CDH17: variants seen among roughly 807,000 people sequenced by gnomAD.
CDH17 encodes the protein cadherin-17.
Under a neutral mutation model 86.3 loss-of-function variants are expected in CDH17, and 67 were observed. The observed-to-expected ratio is 0.78, with a 90% CI of 0.64 to 0.95. The LOEUF (loss-of-function observed/expected upper bound fraction) is 0.95. CDH17 is among the 40% of genes least tolerant of loss of function. The probability of loss-of-function intolerance (pLI) is 0.00; values close to 1 mark genes in which losing one functional copy is unlikely to be tolerated. For missense variants in CDH17, 993 were observed against 1,017.6 expected (o/e 0.98, Z 0.33); for synonymous variants, 367 against 366.4 (o/e 1.00, Z -0.02).
chr8:94,207,208 C>T (rs1814046151), intron 1 of CDH17, among the ~76,000 whole-genome samples: 1 of 152,174 alleles, frequency 6.6e-6, no homozygotes, highest in Admixed American at 6.5e-5. Flanking sequence ...ATGGTAGATG[C>T]TATTTTTATG....
chr8:94,149,765 G>C (rs1210703519), intron 13 of CDH17, among the ~76,000 whole-genome samples: 1 of 152,132 alleles, frequency 6.6e-6, no homozygotes, highest in African/African-American at 2.4e-5. Flanking sequence ...TAAGCAAGAA[G>C]GTGACCTGGC....
chr8:94,139,866 AAC>A (rs1812602522), intron 15 of CDH17, among the ~76,000 whole-genome samples: 1 of 151,758 alleles, frequency 6.6e-6, no homozygotes, highest in African/African-American at 2.4e-5. Context: ...CAGCCTGGGC[AAC>A]AGAGTAAGAC....
At chr8:94,158,246 A>G (rs1812982403) in intron 12 of CDH17, among the ~76,000 whole-genome samples, 1 of 152,154 alleles carries the variant, frequency 6.6e-6, no homozygotes, top group Non-Finnish European at 1.5e-5. Flanking sequence ...TAGACACTTG[A>G]AATAGAACCA....
rs766281489 is a variant in CDH17, at chr8:94,170,510, T to A, written c.953A>T (p.Lys318Ile). The change falls in exon 9 of 18, where the codon AAA becomes ATA. Residue 318 changes from lysine to isoleucine, a missense_variant. By Grantham distance (102) the Lys-to-Ile change is moderately radical. Coordinates refer to ENST00000027335, the MANE Select transcript of CDH17 (RefSeq NM_004063.4). ...FYAVAKDEYG[K>I]PLSYPLEIHV... Reference sequence around the variant, plus strand: ...AATTTCCAGCGGATATGAAAGTGGTTTTCCGTACTCATCCTTTGCAACTGC... The same window carrying A: ...AATTTCCAGCGGATATGAAAGTGGTATTCCGTACTCATCCTTTGCAACTGC... 8.1e-6 allele frequency: 13 copies of A among 1,613,946 alleles called. No individual in the cohort carries two copies. The highest frequency in any genetic ancestry group is 1.0e-5 in the Non-Finnish European group (12 of 1,179,892).
At chr8:94,180,742 A>C (rs1813465648) in intron 3 of CDH17, among the ~76,000 whole-genome samples, 1 of 152,024 alleles carries the variant, frequency 6.6e-6, no homozygotes, top group African/African-American at 2.4e-5. Flanking sequence ...AAAAACACAA[A>C]AAATTAGCCG....
At chr8:94,212,205 G>C (rs780281250), upstream of CDH17, among the ~76,000 whole-genome samples, 1 of 152,188 alleles carries the variant, frequency 6.6e-6, no homozygotes, top group Non-Finnish European at 1.5e-5. Context: ...TGACAGGCTG[G>C]AGTGCAGTGG....
rs766924797 is a variant in CDH17, at chr8:94,148,771, G to A, written c.1900C>T (p.Arg634Trp). ...PLDREAGSPY[R>W]VQVVATEVGG... ...ACTTCTGTGGCCACCACTTGTACCC[G>A]ATATGGACTTCCGGCTTCTCTGTCC... Residue 634 changes from arginine to tryptophan, a missense_variant, in exon 14 of 18, where the codon CGG becomes TGG. Transcript: ENST00000027335. 94 of 1,468,372 alleles carry A rather than the reference G, an allele frequency of 6.4e-5. 2 individuals are homozygous for A. The South Asian group carries it at 7.6e-4, about 12-fold the overall frequency. The allele number at this position is 1,468,372 out of a possible 1,614,324, so 91.0% of individuals were successfully genotyped here.
chr8:94,211,315 T>C (rs1032504179), upstream of CDH17, among the ~76,000 whole-genome samples: 1 of 152,118 alleles, frequency 6.6e-6, no homozygotes, highest in Non-Finnish European at 1.5e-5. Flanking sequence ...TTTTTTATTT[T>C]ATTTTATTTA....
chr8:94,167,597 T>C (rs1410402959), intron 9 of CDH17, among the ~76,000 whole-genome samples: 5 of 152,208 alleles, frequency 3.3e-5, no homozygotes, highest in African/African-American at 9.6e-5. Flanking sequence ...GGCATGCATA[T>C]GCCCTTGCAA....
At chr8:94,159,040 G>T (rs1260734137) in intron 12 of CDH17, among the ~76,000 whole-genome samples, 2 of 152,120 alleles carry the variant, frequency 1.3e-5, no homozygotes, top group East Asian at 1.9e-4. Context: ...TAACAGCGAG[G>T]TTTCACTCTC....
intron 11 of CDH17, among the ~76,000 whole-genome samples, chr8:94,161,686 A>G (rs1302441962): frequency 3.3e-5 from 5 of 152,200 alleles, no homozygotes; most frequent in African/African-American, 1.2e-4. Context: ...TAAATCGCCA[A>G]TATTCCAAAT....
In CDH17 at chr8:94,177,578, T is replaced by C. The variant is rs1813399228; in HGVS notation, c.285+9A>G. On this transcript the variant is annotated intron_variant, in intron 4 of 17. Transcript: ENST00000027335. Reference sequence around the variant, plus strand: ...TGGAGTTAGATCCCTTCAGCTGGTATCAATTTACCTGGAGATTGTGAGTAG... The same window carrying C: ...TGGAGTTAGATCCCTTCAGCTGGTACCAATTTACCTGGAGATTGTGAGTAG... The C allele has an allele frequency of 6.2e-7, 1 of 1,613,538 alleles. No homozygotes were observed. Among genetic ancestry groups the C allele is most frequent in the Non-Finnish European group, 8.5e-7 (1 of 1,179,688 alleles).
chr8:94,157,424 G>A (rs1812967554), intron 12 of CDH17, among the ~76,000 whole-genome samples: 1 of 152,036 alleles, frequency 6.6e-6, no homozygotes, highest in East Asian at 1.9e-4. Context: ...CTAACATTTG[G>A]TGTGTCCTAA....
chr8:94,134,566 G>A (rs1434097590), intron 15 of CDH17, among the ~76,000 whole-genome samples: 1 of 151,858 alleles, frequency 6.6e-6, no homozygotes, highest in Non-Finnish European at 1.5e-5. Context: ...TATTAGTCTT[G>A]CTAGCAGTCT....
chr8:94,143,425 C>T (rs752486829), intron 15 of CDH17, among the ~76,000 whole-genome samples: 3 of 152,118 alleles, frequency 2.0e-5, no homozygotes, highest in Non-Finnish European at 4.4e-5. Context: ...TCTTAAGGAC[C>T]CTAGTATTTT....
At chr8:94,189,500 C>A (rs1813644867) in intron 2 of CDH17, among the ~76,000 whole-genome samples, 1 of 152,194 alleles carries the variant, frequency 6.6e-6, no homozygotes, top group Non-Finnish European at 1.5e-5. Context: ...AACATCTGAG[C>A]AGAATGTGAG....
intron 1 of CDH17, chr8:94,217,185 C>G (rs1814207223): frequency 6.6e-6 from 1 of 152,342 alleles, no homozygotes; most frequent in Admixed American, 6.5e-5. Flanking sequence ...GCCTCCTGCC[C>G]AGCTCTACTT....
intron 12 of CDH17, 96 bp downstream of exon 12, chr8:94,159,875 G>A: frequency 2.3e-6 from 2 of 860,264 alleles, no homozygotes; most frequent in Non-Finnish European, 3.4e-6. Context: ...AGAGATGGCT[G>A]CTAATACATC....
At chr8:94,205,457 GAAAA>G (rs1476049243) in intron 1 of CDH17, among the ~76,000 whole-genome samples, 1 of 151,958 alleles carries the variant, frequency 6.6e-6, no homozygotes, top group Non-Finnish European at 1.5e-5. Context: ...AAGAAAGAAA[GAAAA>G]GAGAAGAGAA....
Sources: allele counts gnomAD v4.1 joint callset (sites outside exome capture counted in the v4.1 genomes callset), GRCh38; gene constraint gnomAD v4.1.1; transcripts MANE v1.5; gene names NCBI Gene and HGNC (gene_info 2026-07-23, HGNC 2026-07-21).